SVEP1: variants seen among roughly 807,000 people sequenced by gnomAD.
SVEP1 encodes sushi, von Willebrand factor type A, EGF and pentraxin domain-containing protein 1.
A neutral mutation model predicts 367.3 loss-of-function variants in SVEP1; 164 were observed. The observed-to-expected ratio is 0.45, with a 90% confidence interval of 0.39 to 0.51. The LOEUF (loss-of-function observed/expected upper bound fraction) is 0.51, where lower values mean the gene tolerates loss of function less well. SVEP1 is among the 20% of genes least tolerant of loss of function. The pLI, the probability that SVEP1 is intolerant of heterozygous loss-of-function variation, is 0.00. For missense variants in SVEP1, 4,117 were observed against 4,425.3 expected (o/e 0.93, Z 1.98); for synonymous variants, 1,666 against 1,611.6 (o/e 1.03, Z -0.81).
At chr9:110,461,029 A>C (rs922598879) in intron 18 of SVEP1, among the ~76,000 whole-genome samples, 1 of 152,148 alleles carries the variant, frequency 6.6e-6, no homozygotes, top group Non-Finnish European at 1.5e-5. Context: ...GTCGGTCTGG[A>C]AATCTTATTA....
chr9:110,517,557 C>G (rs1454384062), intron 3 of SVEP1, among the ~76,000 whole-genome samples: 1 of 148,900 alleles, frequency 6.7e-6, no homozygotes, highest in Admixed American at 6.7e-5. Flanking sequence ...AAGATCACAC[C>G]ACTGAACTCC....
Position 110,450,155 on chromosome 9 carries a change from C to T in SVEP1, c.4007G>A (p.Gly1336Glu). The change falls in exon 24 of 48, where the codon GGA (glycine) becomes GAA (glutamate). Residue 1336 changes from glycine to glutamate, a missense_variant. Physicochemically the swap from Gly to Glu is moderately conservative, Grantham distance 98 (BLOSUM62 -2). Transcript: ENST00000374469. ...CTTTCCACATCGGGTACCCAAAAAT[C>T]CAGGTGGGCATTTGCACAAGAATCC... ...VGGFLCKCPP[G>E]FLGTRCGKNV... 6.2e-7 allele frequency: 1 copy of T among 1,613,900 alleles called. No individual in the cohort carries two copies. Among genetic ancestry groups the T allele is most frequent in the Non-Finnish European group, 8.5e-7 (1 of 1,179,842 alleles).
chr9:110,385,225 C>T (rs1827502401), intron 43 of SVEP1, among the ~76,000 whole-genome samples: 1 of 152,228 alleles, frequency 6.6e-6, no homozygotes. Flanking sequence ...AGGTGATCCA[C>T]CCACCTCAGC....
intron 46 of SVEP1, among the ~76,000 whole-genome samples, chr9:110,371,025 G>C (rs1038236940): frequency 6.6e-6 from 1 of 152,166 alleles, no homozygotes; most frequent in Non-Finnish European, 1.5e-5. Flanking sequence ...CAAGTAGTAG[G>C]CACTTGATAA....
At position 110,406,603 on chromosome 9, in the gene SVEP1, T is replaced by G. The variant is rs185787418; in HGVS notation, c.8997A>C (p.Ser2999=). The G allele has an allele frequency of 2.8e-4, 444 of 1,613,842 alleles. 1 individual carries two copies. The African/African-American group carries it at 5.3e-3, about 19-fold the overall frequency. ...CLSNGSWSGS[S]PSCLPCRCST... is the part of the protein sequence containing the mutation. Reference sequence around the variant, plus strand: ...AACATCTGCAAGGCAGGCAGGAAGGTGAGCTGCCACTCCAGGAGCCATTGG... The same window carrying G: ...AACATCTGCAAGGCAGGCAGGAAGGGGAGCTGCCACTCCAGGAGCCATTGG... Residue 2999 remains serine, a synonymous_variant, in exon 38 of 48, where the codon TCA becomes TCC. Transcript: ENST00000374469.
chr9:110,564,513 GT>G (rs1435571976), intron 1 of SVEP1, among the ~76,000 whole-genome samples: 1 of 152,178 alleles, frequency 6.6e-6, no homozygotes, highest in Non-Finnish European at 1.5e-5. Flanking sequence ...GTGCAAAGGA[GT>G]GGAGGTTGAA....
intron 4 of SVEP1, 88 bp downstream of exon 4, chr9:110,513,860 C>T (rs1829759302): frequency 1.4e-6 from 2 of 1,405,700 alleles, no homozygotes; most frequent in East Asian, 5.0e-5. Flanking sequence ...AAAGATCATT[C>T]TAAATGAATT....
intron 36 of SVEP1, among the ~76,000 whole-genome samples, chr9:110,415,256 G>C (rs916073167): frequency 6.6e-6 from 1 of 151,940 alleles, no homozygotes; most frequent in Non-Finnish European, 1.5e-5. Flanking sequence ...CTTAAGAGTG[G>C]ATCTTGCCCT....
chr9:110,456,254 G>A (rs987114030), intron 21 of SVEP1, among the ~76,000 whole-genome samples: 2 of 152,068 alleles, frequency 1.3e-5, no homozygotes, highest in Non-Finnish European at 2.9e-5. Flanking sequence ...CTGTACTCCA[G>A]ACCCACTGAA....
intron 22 of SVEP1, 55 bp from the exon 23 acceptor site, chr9:110,451,457 C>A: frequency 7.7e-7 from 1 of 1,293,464 alleles, no homozygotes; most frequent in Non-Finnish European, 1.1e-6. Context: ...ACTTTAAGAC[C>A]AATAGTTTCC....
intron 18 of SVEP1, 25 bp downstream of exon 18, chr9:110,465,840 T>C (rs746180010): frequency 6.2e-7 from 1 of 1,604,538 alleles, no homozygotes; most frequent in Non-Finnish European, 8.5e-7. Context: ...TTTAAAGAAA[T>C]ATCAATGTCT....
At chr9:110,405,229 TA>T (rs1827936898) in intron 38 of SVEP1, among the ~76,000 whole-genome samples, 1 of 150,274 alleles carries the variant, frequency 6.7e-6, no homozygotes, top group Admixed American at 6.6e-5. Context: ...ACTCAGATAC[TA>T]GTAGGAATAC....
At chr9:110,460,757 GAA>G (rs905749272) in intron 18 of SVEP1, among the ~76,000 whole-genome samples, 1 of 119,284 alleles carries the variant, frequency 8.4e-6, no homozygotes, top group African/African-American at 3.1e-5. Flanking sequence ...CGTCTCAAAA[GAA>G]AAAAAAAAAA....
At position 110,487,760 on chromosome 9, in the gene SVEP1, A is replaced by G. The variant is rs78116442; in HGVS notation, c.1930+1890T>C. Among the ~76,000 whole-genome samples, 6 of 152,296 alleles carry G rather than the reference A, an allele frequency of 3.9e-5. No homozygotes were observed. In the East Asian group the frequency reaches 7.7e-4, roughly 20 times the overall value. ...GTAGGCACTAGATCAAGTGGTTTATATATTATCACAAATTAAAAATCTCAC... is the reference window on the plus strand; with the variant it reads ...GTAGGCACTAGATCAAGTGGTTTATGTATTATCACAAATTAAAAATCTCAC... On this transcript the variant is annotated intron_variant, in intron 9 of 47. Coordinates refer to ENST00000374469, the MANE Select transcript of SVEP1 (RefSeq NM_153366.4).
At position 110,430,449 on chromosome 9, in the gene SVEP1, T is replaced by G. The variant is rs1306319765; in HGVS notation, c.5355A>C (p.Glu1785Asp). 3.7e-6 allele frequency: 6 copies of G among 1,607,152 alleles called. No individual in the cohort carries two copies. The highest frequency in any genetic ancestry group is 2.7e-5 in the African/African-American group (2 of 74,758). The part of the protein sequence containing the change: ...PYTGDGKNCA[E>D]PIKCKAPGNP... ...TTCCTGGAGCCTTACATTTTATAGG[T>G]TCTAGAAACAGACAGTTTTGGTGGA... Residue 1785 changes from glutamate to aspartate, a missense_variant and splice_region_variant, in exon 33 of 48, where the codon GAA becomes GAC. Physicochemically the swap from Glu to Asp is conservative, Grantham distance 45. Coordinates refer to ENST00000374469, the MANE Select transcript of SVEP1 (RefSeq NM_153366.4).
chr9:110,520,715 G>C (rs763603276), intron 3 of SVEP1, among the ~76,000 whole-genome samples: 10 of 152,072 alleles, frequency 6.6e-5, no homozygotes, highest in Non-Finnish European at 1.3e-4. Flanking sequence ...ACATATATTA[G>C]ACAGTGACTT....
chr9:110,516,046 G>A (rs980749288), intron 3 of SVEP1, among the ~76,000 whole-genome samples: 1 of 150,958 alleles, frequency 6.6e-6, no homozygotes, highest in Admixed American at 6.6e-5. Context: ...ACCACTACAC[G>A]TGCTGTGAGT....
intron 3 of SVEP1, among the ~76,000 whole-genome samples, chr9:110,540,857 T>C (rs919802134): frequency 1.3e-5 from 2 of 152,186 alleles, no homozygotes; most frequent in African/African-American, 4.8e-5. Context: ...AAGTAGCTGC[T>C]TACTGTGACA....
Position 110,411,139 on chromosome 9 carries a change from T to C in SVEP1, c.6572A>G (p.Gln2191Arg). 1.2e-6 allele frequency: 2 copies of C among 1,613,898 alleles called. No homozygotes were observed. The highest frequency in any genetic ancestry group is 1.7e-6 in the Non-Finnish European group (2 of 1,179,860). The change falls in exon 37 of 48, where the codon CAG becomes CGG. Residue 2191 changes from glutamine (Q) to arginine (R), a missense_variant. Coordinates refer to ENST00000374469, the MANE Select transcript of SVEP1 (RefSeq NM_153366.4). ...EKKSTCEATG[Q>R]WSSPIPTCHP... ...GCACGTCGGTATAGGACTACTCCAC[T>C]GCCCTGTGGCTTCGCAGGTGCTCTT...
Sources: allele counts gnomAD v4.1 joint callset (sites outside exome capture counted in the v4.1 genomes callset), GRCh38; gene constraint gnomAD v4.1.1; transcripts MANE v1.5; gene names NCBI Gene and HGNC (gene_info 2026-07-23, HGNC 2026-07-21).